The following CANT1 variants were observed in gnomAD, a reference collection of about 807,000 sequenced individuals.
CANT1 encodes the protein soluble calcium-activated nucleotidase 1.
Under a neutral mutation model 30.0 loss-of-function variants are expected in CANT1, and 26 were observed. That is an observed-to-expected ratio of 0.87 (90% confidence interval 0.64 to 1.20). The LOEUF (loss-of-function observed/expected upper bound fraction) is 1.20, where lower values mean the gene tolerates loss of function less well. Among genes scored for constraint, CANT1 ranks in the 50% most tolerant of loss-of-function variants. The pLI is 0.00. For synonymous variants in CANT1, 246 were observed against 251.8 expected, an observed-to-expected ratio of 0.98 and a Z score of 0.22; for missense variants, 518 against 563.0, an observed-to-expected ratio of 0.92 and a Z score of 0.81.
chr17:79,003,125 T>C (rs751360767), intron 1 of CANT1, among the ~76,000 whole-genome samples: 1 of 151,936 alleles, frequency 6.6e-6, no homozygotes, highest in Non-Finnish European at 1.5e-5. Context: ...GTCACGCTGA[T>C]TCCCCAGAGC....
Position 78,997,190 on chromosome 17 carries a change from C to G in CANT1, c.433G>C (p.Val145Leu), listed in dbSNP as rs140112462. The G allele has an allele frequency of 1.2e-6, 2 of 1,614,198 alleles. No individual in the cohort carries two copies. The highest frequency in any genetic ancestry group is 4.5e-5 in the East Asian group (2 of 44,884). The stretch of plus-strand genomic sequence containing the variant: ...ACCCCATGGTCTTTGTCCCATTCCA[C>G]GGCCACCTTGTCCCCACTGTCTGAC... ...TLSDSGDKVAVEWDKDHGVLE... is the reference protein window; with the variant it reads ...TLSDSGDKVALEWDKDHGVLE... The change falls in exon 3 of 5, where the codon GTG becomes CTG. Residue 145 changes from valine (V) to leucine (L), a missense_variant. By Grantham distance (32) the Val-to-Leu change is conservative (BLOSUM62 1). This residue lies in a region of CANT1 where 249 missense variants were observed against 268.8 expected (regional missense o/e 0.93). Transcript: ENST00000392446. This position sits in a 1 kb window ranked among gnomAD's most constrained non-coding sequence, Gnocchi z 7.5.
At chr17:79,000,224 C>T (rs1307673468) in intron 1 of CANT1, 1 of 152,216 alleles carries the variant, frequency 6.6e-6, no homozygotes, top group East Asian at 1.9e-4. Context: ...ACCGTGTCCA[C>T]AGTGGTCTGG....
chr17:79,000,733 G>A (rs1004077149), intron 1 of CANT1, among the ~76,000 whole-genome samples: 1 of 152,188 alleles, frequency 6.6e-6, no homozygotes, highest in East Asian at 1.9e-4. Context: ...TGGAACAGTC[G>A]GGCCTGCTCT....
At chr17:79,001,702 C>T (rs1478580875) in intron 1 of CANT1, among the ~76,000 whole-genome samples, 1 of 152,102 alleles carries the variant, frequency 6.6e-6, no homozygotes, top group Non-Finnish European at 1.5e-5. Flanking sequence ...TGTCAGTGTC[C>T]CTCCTCGAGG....
intron 4 of CANT1, among the ~76,000 whole-genome samples, chr17:78,994,489 C>T (rs2070957776): frequency 2.0e-5 from 3 of 152,218 alleles, no homozygotes; most frequent in Non-Finnish European, 4.4e-5. Flanking sequence ...GGGCCACAGG[C>T]TGGGATGCTA....
intron 1 of CANT1, among the ~76,000 whole-genome samples, chr17:79,000,657 G>C (rs956634805): frequency 4.6e-5 from 7 of 152,200 alleles, no homozygotes; most frequent in Non-Finnish European, 1.0e-4. Context: ...CTGCCGGCTG[G>C]CTACATAGAC....
In CANT1 at chr17:78,997,086, G is replaced by A. The variant is rs755417028; in HGVS notation, c.537C>T (p.Ser179=). The part of the protein sequence containing the change: ...DLIVFNGKLY[S]VDDRTGVVYQ... The stretch of plus-strand genomic sequence containing the variant: ...AGACGACCCCCGTCCGGTCATCCAC[G>A]GAGTAGAGTTTCCCATTGAAAACAA... Residue 179 remains serine (S), a synonymous_variant, in exon 3 of 5, where the codon TCC becomes TCT. Coordinates refer to ENST00000392446, the MANE Select transcript of CANT1 (RefSeq NM_001159773.2). This position sits in a 1 kb window ranked among gnomAD's most constrained non-coding sequence, Gnocchi z 7.5. 50 of 1,614,096 alleles carry A rather than the reference G, an allele frequency of 3.1e-5. No homozygotes were observed. Among genetic ancestry groups the A allele is most frequent in the South Asian group, 6.6e-5 (6 of 91,096 alleles).
At chr17:79,001,872 G>GCACC (rs1247968265) in intron 1 of CANT1, among the ~76,000 whole-genome samples, 2 of 151,996 alleles carry the variant, frequency 1.3e-5, no homozygotes, top group Non-Finnish European at 2.9e-5. Flanking sequence ...ATACCCACAG[G>GCACC]CACCGCAAAC....
Position 78,996,641 on chromosome 17 carries a change from C to A in CANT1, c.631+351G>T, listed in dbSNP as rs2071041804. 6.6e-6 allele frequency among the ~76,000 whole-genome samples: 1 copy of A among 152,160 alleles called. No homozygotes were observed. The highest frequency in any genetic ancestry group is 2.4e-5 in the African/African-American group (1 of 41,422). ...AGGGCAAGGCTCCTGGTAGGCACAT[C>A]CTAGCGTGGTCTTGAGAACCTTTGA... On this transcript the variant is annotated intron_variant, in intron 3 of 4. Transcript: ENST00000392446. This position sits in a 1 kb window ranked among gnomAD's most constrained non-coding sequence, Gnocchi z 5.1.
chr17:79,005,793 A>G (rs2377010), intron 1 of CANT1, among the ~76,000 whole-genome samples: 47,029 of 152,102 alleles, frequency 0.31, 8,812 homozygotes, highest in East Asian at 0.73. Flanking sequence ...TCTTCAGCAC[A>G]GCCAAGGCAG....
At chr17:78,999,717 G>A (rs1342975480) in intron 1 of CANT1, among the ~76,000 whole-genome samples, 1 of 141,118 alleles carries the variant, frequency 7.1e-6, no homozygotes, top group Non-Finnish European at 1.5e-5. Flanking sequence ...GCAATGGCAC[G>A]ATCTCGGCTC....
chr17:79,002,033 G>A lies in CANT1; in HGVS notation c.-146-4070C>T, dbSNP rs185368447. On this transcript the variant is annotated intron_variant, in intron 1 of 4. Transcript: ENST00000392446. This position sits in a 1 kb window ranked among gnomAD's most constrained non-coding sequence, Gnocchi z 4.0. ...CCCTTCTCCCCATCCACACAGCCTCGGCTCCAGTTCCATCTCACCCTGATG... is the reference window on the plus strand; with the variant it reads ...CCCTTCTCCCCATCCACACAGCCTCAGCTCCAGTTCCATCTCACCCTGATG... 7.8e-4 allele frequency among the ~76,000 whole-genome samples: 119 copies of A among 151,652 alleles called. 2 individuals carry two copies. The highest frequency in any genetic ancestry group is 2.3e-3 in the African/African-American group (97 of 41,290).
chr17:79,006,372 T>C (rs1171145860), intron 1 of CANT1, among the ~76,000 whole-genome samples: 1 of 148,218 alleles, frequency 6.7e-6, no homozygotes, highest in African/African-American at 2.4e-5. Flanking sequence ...CCTGGGAAAA[T>C]CCAGGATCAT....
In CANT1 at chr17:79,001,594, T is replaced by C. The variant is rs566276220; in HGVS notation, c.-146-3631A>G. ...GCCCAGGCCCCCTCGCCCACCATGG[T>C]ACAAGAGCACCCACACCTACACCCT... On this transcript the variant is annotated intron_variant, in intron 1 of 4. Coordinates refer to ENST00000392446, the MANE Select transcript of CANT1 (RefSeq NM_001159773.2). Among the ~76,000 whole-genome samples, 4 of 120,246 alleles carry C rather than the reference T, an allele frequency of 3.3e-5. No individual in the cohort carries two copies. The South Asian group carries it at 9.2e-4, about 28-fold the overall frequency. The allele number at this position is 120,246 out of a possible 152,430, so 78.9% of individuals were successfully genotyped here. A position where few individuals can be genotyped will look rare whatever the true frequency, so the allele number is the denominator to read the frequency against.
In CANT1 at chr17:78,996,185, G is replaced by C. The variant is rs908600291; in HGVS notation, c.631+807C>G. 1.3e-5 allele frequency among the ~76,000 whole-genome samples: 2 copies of C among 152,208 alleles called. No individual in the cohort carries two copies. The highest frequency in any genetic ancestry group is 2.4e-5 in the African/African-American group (1 of 41,468). On this transcript the variant is annotated intron_variant, in intron 3 of 4. Coordinates refer to ENST00000392446, the MANE Select transcript of CANT1 (RefSeq NM_001159773.2). This position sits in a 1 kb window ranked among gnomAD's most constrained non-coding sequence, Gnocchi z 5.1. ...CACTGAAGATTTTATCACCGGGTGTGGGGAGGGCCTGGCCGGCCATGAACT... is the reference window on the plus strand; with the variant it reads ...CACTGAAGATTTTATCACCGGGTGTCGGGAGGGCCTGGCCGGCCATGAACT...
Position 78,997,778 on chromosome 17 carries a change from A to C in CANT1, c.-23+62T>G, listed in dbSNP as rs1264747237. 2.9e-6 allele frequency: 2 copies of C among 694,028 alleles called. No individual in the cohort carries two copies. Among genetic ancestry groups the C allele is most frequent in the African/African-American group, 1.8e-5 (1 of 55,622 alleles). 43.0% of individuals were successfully genotyped at this position (694,028 alleles called of 1,614,324 possible). A position where few individuals can be genotyped will look rare whatever the true frequency, so the allele number is the denominator to read the frequency against. On this transcript the variant is annotated intron_variant, in intron 2 of 4. Transcript: ENST00000392446. This position sits in a 1 kb window ranked among gnomAD's most constrained non-coding sequence, Gnocchi z 7.5. Reference sequence around the variant, plus strand: ...ATTTCACTACTCTGTGGCCATTCTTACTCCCTTGGCTTAATGAATTCCCGA... The same window carrying C: ...ATTTCACTACTCTGTGGCCATTCTTCCTCCCTTGGCTTAATGAATTCCCGA...
chr17:78,993,094 A>G lies in CANT1; in HGVS notation c.*456T>C, dbSNP rs887816197. On this transcript the variant is annotated 3_prime_UTR_variant, in exon 5 of 5. Coordinates refer to ENST00000392446, the MANE Select transcript of CANT1 (RefSeq NM_001159773.2). This position sits in a 1 kb window ranked among gnomAD's most constrained non-coding sequence, Gnocchi z 4.5. ...CTTTTCCAAGGATCTGCAGGGGTGG[A>G]CATGATGCTCCAGGCACAGAGTAGG... The G allele has an allele frequency of 1.2e-5, 4 of 343,112 alleles. No individual in the cohort carries two copies. The Admixed American group carries it at 1.8e-4, about 15-fold the overall frequency. 21.3% of individuals were successfully genotyped at this position (343,112 alleles called of 1,614,324 possible). A position where few individuals can be genotyped will look rare whatever the true frequency, so the allele number is the denominator to read the frequency against.
Position 79,002,176 on chromosome 17 carries a change from T to C in CANT1, c.-146-4213A>G, listed in dbSNP as rs937354156. Among the ~76,000 whole-genome samples, 6 of 152,220 alleles carry C rather than the reference T, an allele frequency of 3.9e-5. No individual in the cohort carries two copies. The highest frequency in any genetic ancestry group is 3.9e-4 in the Admixed American group (6 of 15,286). ...GAGATTTTTTGTTAAGCTCATCAGC[T>C]ATCAATGGATTTTATGTGTGGCCCA... On this transcript the variant is annotated intron_variant, in intron 1 of 4. Transcript: ENST00000392446. This position sits in a 1 kb window ranked among gnomAD's most constrained non-coding sequence, Gnocchi z 4.0.
At chr17:79,005,165 TA>T in intron 1 of CANT1, among the ~76,000 whole-genome samples, 1 of 38,290 alleles carries the variant, frequency 2.6e-5, no homozygotes, top group Non-Finnish European at 4.6e-5. Context: ...GGAGAGGAGT[TA>T]AGGAGAGGGG....
Sources: gnomAD v4.1 joint callset for allele counts (sites outside exome capture counted in the v4.1 genomes callset) on GRCh38, gnomAD v4.1.1 for gene constraint, gnomAD v4.1.1 regional missense constraint, Gnocchi (gnomAD v3.1) non-coding constraint, MANE v1.5 for transcripts, NCBI Gene and HGNC (gene_info 2026-07-23, HGNC 2026-07-21) for gene names.